The following MYRIP variants were observed in gnomAD, a reference collection of about 807,000 sequenced individuals.
MYRIP encodes myosin VIIA and Rab interacting protein.
A neutral mutation model predicts 98.0 loss-of-function variants in MYRIP; 49 were observed. The observed-to-expected ratio is 0.50, with a 90% CI of 0.40 to 0.63. The LOEUF (loss-of-function observed/expected upper bound fraction) is 0.63, where lower values mean the gene tolerates loss of function less well. Ranked by LOEUF, MYRIP falls within the 30% of genes least tolerant of loss-of-function variation. The pLI is 0.00. For synonymous variants in MYRIP, 404 were observed against 409.5 expected (o/e 0.99, Z 0.16); for missense variants, 1,004 against 1,058.2 (o/e 0.95, Z 0.71).
At chr3:40,156,829 T>C (rs1159620618) in intron 4 of MYRIP, among the ~76,000 whole-genome samples, 4 of 152,166 alleles carry the variant, frequency 2.6e-5, no homozygotes, top group African/African-American at 9.7e-5. Context: ...CTTGTGATTT[T>C]TGTACATTGA....
intron 10 of MYRIP, among the ~76,000 whole-genome samples, chr3:40,197,416 A>C (rs894940150): frequency 4.6e-5 from 7 of 152,044 alleles, no homozygotes; most frequent in African/African-American, 9.7e-5. Flanking sequence ...CCATAACATA[A>C]ACCGCTGAAC....
At chr3:39,978,651 C>A (rs1471103206) in intron 2 of MYRIP, among the ~76,000 whole-genome samples, 1 of 152,210 alleles carries the variant, frequency 6.6e-6, no homozygotes, top group African/African-American at 2.4e-5. Context: ...TGATTGGGAA[C>A]AAGACTTCTT....
At position 39,856,855 on chromosome 3, in the gene MYRIP, A is replaced by G. The variant is rs974177254; in HGVS notation, c.-30-43932A>G. 3.9e-5 allele frequency among the ~76,000 whole-genome samples: 6 copies of G among 152,228 alleles called. No individual in the cohort carries two copies. In the East Asian group the frequency reaches 1.2e-3, roughly 29 times the overall value. ...ACATTGATGTAAGGATATGAGGTTC[A>G]TAAAGAATCAAGGAAACGCGGCAAG... On this transcript the variant is annotated intron_variant, in intron 1 of 16. Coordinates refer to ENST00000302541, the MANE Select transcript of MYRIP (RefSeq NM_015460.4).
chr3:40,154,431 A>G (rs1575580784), intron 4 of MYRIP, among the ~76,000 whole-genome samples: 1 of 152,370 alleles, frequency 6.6e-6, no homozygotes, highest in East Asian at 1.9e-4. Flanking sequence ...CTGCCATTTC[A>G]GAGCCAAAAC....
intron 2 of MYRIP, among the ~76,000 whole-genome samples, chr3:39,984,840 C>G (rs1422875610): frequency 2.6e-5 from 4 of 151,940 alleles, no homozygotes; most frequent in African/African-American, 4.8e-5. Flanking sequence ...TACAGTCCCA[C>G]CAACAGTGTG....
intron 2 of MYRIP, among the ~76,000 whole-genome samples, chr3:40,001,484 C>T (rs1176206931): frequency 6.6e-6 from 1 of 152,218 alleles, no homozygotes; most frequent in Non-Finnish European, 1.5e-5. Flanking sequence ...GATTATTTTA[C>T]TGTTATCATG....
intron 3 of MYRIP, among the ~76,000 whole-genome samples, chr3:40,089,009 G>A (rs1246516136): frequency 2.0e-5 from 3 of 152,018 alleles, no homozygotes; most frequent in Non-Finnish European, 4.4e-5. Flanking sequence ...GGGGGAGGGA[G>A]GAGTCAGGAG....
rs757801543 is a variant in MYRIP, at chr3:40,209,859, G to A, written c.1671G>A (p.Ser557=). Reference sequence around the variant, plus strand: ...TGATTCTGGCTTTCATTTAGGTGTCGGATGATTTATCAGAGACAGACATCA... The same window carrying A: ...TGATTCTGGCTTTCATTTAGGTGTCAGATGATTTATCAGAGACAGACATCA... ...QLRDLDTHQV[S]DDLSETDISN... The change falls in exon 11 of 17, where the codon TCG becomes TCA. Residue 557 remains serine (S), a synonymous_variant. Transcript: ENST00000302541. The A allele has an allele frequency of 5.6e-5, 90 of 1,613,894 alleles. No individual in the cohort carries two copies. The highest frequency in any genetic ancestry group is 7.7e-5 in the South Asian group (7 of 91,062).
chr3:40,175,926 G>A (rs1276407651), intron 8 of MYRIP, among the ~76,000 whole-genome samples: 1 of 152,242 alleles, frequency 6.6e-6, no homozygotes, highest in African/African-American at 2.4e-5. Context: ...TGCTAGTAAT[G>A]CCCCCTGGGG....
chr3:39,812,735 A>G (rs1940740957), intron 1 of MYRIP, among the ~76,000 whole-genome samples: 1 of 152,252 alleles, frequency 6.6e-6, no homozygotes. Flanking sequence ...TTGTTGCCAC[A>G]TGGTGGCGCC....
chr3:40,189,903 C>T lies in MYRIP; in HGVS notation c.1105C>T (p.Leu369=), dbSNP rs767095458. The change falls in exon 10 of 17, where the codon CTG becomes TTG. Residue 369 remains leucine (L), a synonymous_variant. Coordinates refer to ENST00000302541, the MANE Select transcript of MYRIP (RefSeq NM_015460.4). ...TGGCGCTCCACCCCCCACCCGACTA[C>T]TGGCCAAACCTAAGAGCGGGACGTT... ...KDGAPPPTRL[L]AKPKSGTFQA... is the part of the protein sequence containing the mutation. 1.2e-6 allele frequency: 2 copies of T among 1,614,224 alleles called. No individual in the cohort carries two copies. Among genetic ancestry groups the T allele is most frequent in the South Asian group, 2.2e-5 (2 of 91,082 alleles).
chr3:39,817,957 T>C (rs1224093249), intron 1 of MYRIP, among the ~76,000 whole-genome samples: 1 of 152,188 alleles, frequency 6.6e-6, no homozygotes, highest in Non-Finnish European at 1.5e-5. Flanking sequence ...ATGGACCATA[T>C]GAATATTATT....
rs150967688 is a variant in MYRIP at position 39,814,394 on chromosome 3, A to AT, written c.-31+4484dup. 4.3e-3 allele frequency among the ~76,000 whole-genome samples: 660 copies of AT among 152,098 alleles called. 29 individuals are homozygous for AT. In the East Asian group the frequency reaches 0.097, roughly 22 times the overall value. ...TATATAGTTTTAATATAGTTTTTCA[A>AT]TTTTTTGTGTATTTCCATTGGTTTT... is the stretch of plus-strand genomic sequence containing the variant. On this transcript the variant is annotated intron_variant, in intron 1 of 16. Coordinates refer to ENST00000302541, the MANE Select transcript of MYRIP (RefSeq NM_015460.4).
chr3:40,063,327 T>A (rs1948057697), intron 3 of MYRIP, among the ~76,000 whole-genome samples: 2 of 152,184 alleles, frequency 1.3e-5, no homozygotes, highest in African/African-American at 4.8e-5. Flanking sequence ...AGTATTGTAG[T>A]AATTTAAAAT....
At chr3:39,809,352 C>T (rs1259966011), upstream of MYRIP, among the ~76,000 whole-genome samples, 4 of 150,406 alleles carry the variant, frequency 2.7e-5, no homozygotes, top group Non-Finnish European at 4.5e-5. Flanking sequence ...GGGTCCCCGC[C>T]CCGGGCGCGC....
At chr3:39,983,484 G>A (rs1285907343) in intron 2 of MYRIP, among the ~76,000 whole-genome samples, 12 of 152,156 alleles carry the variant, frequency 7.9e-5, no homozygotes, top group Admixed American at 7.9e-4. Flanking sequence ...TTTTGACCCT[G>A]ATAATATTGG....
chr3:39,898,128 G>T (rs7619874), intron 1 of MYRIP, among the ~76,000 whole-genome samples: 2,511 of 152,216 alleles, frequency 0.016, 66 homozygotes, highest in African/African-American at 0.057. Flanking sequence ...TGCAGTCTGT[G>T]GGTAGGATGT....
chr3:40,047,916 G>C (rs186416363), intron 3 of MYRIP, among the ~76,000 whole-genome samples: 13 of 152,256 alleles, frequency 8.5e-5, no homozygotes, highest in African/African-American at 3.1e-4. Context: ...ACAAGTGCTA[G>C]AGCCAAATTC....
intron 2 of MYRIP, among the ~76,000 whole-genome samples, chr3:39,966,092 T>G (rs1286942356): frequency 6.6e-6 from 1 of 152,108 alleles, no homozygotes; most frequent in African/African-American, 2.4e-5. Context: ...TACTCCAAGA[T>G]CTCGAGGTAA....
Sources: allele counts gnomAD v4.1 joint callset (sites outside exome capture counted in the v4.1 genomes callset), GRCh38; gene constraint gnomAD v4.1.1; transcripts MANE v1.5; gene names NCBI Gene and HGNC (gene_info 2026-07-23, HGNC 2026-07-21).